RANBP2: variants seen among roughly 807,000 people sequenced by gnomAD.
RANBP2 encodes E3 SUMO-protein ligase RanBP2.
A neutral mutation model predicts 303.6 loss-of-function variants in RANBP2; 57 were observed. The observed-to-expected ratio is 0.19, with a 90% confidence interval of 0.15 to 0.23. The LOEUF (loss-of-function observed/expected upper bound fraction) is 0.23. Ranked by LOEUF, RANBP2 falls within the 10% of genes least tolerant of loss-of-function variation. The pLI, the probability that RANBP2 is intolerant of heterozygous loss-of-function variation, is 1.00. For missense variants in RANBP2, 3,138 were observed against 3,780.8 expected (o/e 0.83, Z 4.46); for synonymous variants, 1,167 against 1,301.5 (o/e 0.90, Z 2.23).
At chr2:108,960,113 A>G in the RANBP2 span, among the ~76,000 whole-genome samples, 1 of 152,146 alleles carries the variant, frequency 6.6e-6, no homozygotes, top group Admixed American at 6.5e-5. Context: ...GGCTGGGTCC[A>G]CTGATAGTAC....
the RANBP2 span, chr2:109,419,600 G>A: frequency 6.3e-7 from 1 of 1,596,010 alleles, no homozygotes; most frequent in Non-Finnish European, 8.5e-7. Context: ...TCGGTGTCTG[G>A]AGAGCAGGGC....
At chr2:109,078,096 A>ATATATATATATATGGCGTG in the RANBP2 span, among the ~76,000 whole-genome samples, 1 of 54,652 alleles carries the variant, frequency 1.8e-5, no homozygotes, top group South Asian at 4.4e-4. Flanking sequence ...ATATATATAT[A>ATATATATATATATGGCGTG]TATATATATA....
the RANBP2 span, among the ~76,000 whole-genome samples, chr2:108,811,247 CT>C: frequency 5.4e-4 from 61 of 113,902 alleles, no homozygotes; most frequent in Admixed American, 1.1e-3. Flanking sequence ...TTCTCTCTCT[CT>C]TTTTTTTTTT....
chr2:109,362,076 T>C, the RANBP2 span, among the ~76,000 whole-genome samples: 2 of 152,124 alleles, frequency 1.3e-5, no homozygotes, highest in African/African-American at 4.8e-5. Context: ...TTCATTGATT[T>C]CTTCTATTTC....
At chr2:109,547,460 A>G in the RANBP2 span, among the ~76,000 whole-genome samples, 1 of 151,816 alleles carries the variant, frequency 6.6e-6, no homozygotes, top group Non-Finnish European at 1.5e-5. Flanking sequence ...CAACTGTTAA[A>G]TGAGTTTCAA....
the RANBP2 span, among the ~76,000 whole-genome samples, chr2:108,807,506 A>G: frequency 6.6e-6 from 1 of 152,206 alleles, no homozygotes; most frequent in African/African-American, 2.4e-5. Context: ...TGTATTGGAA[A>G]TATTCAAAAT....
chr2:108,758,386 T>C (rs1236582501), intron 17 of RANBP2, 27 bp from the exon 18 acceptor site: 1 of 1,611,486 alleles, frequency 6.2e-7, no homozygotes, highest in Non-Finnish European at 8.5e-7. Context: ...ATGTTTAAAA[T>C]TATTTGATTT....
At chr2:109,340,746 C>T in the RANBP2 span, among the ~76,000 whole-genome samples, 1 of 152,142 alleles carries the variant, frequency 6.6e-6, no homozygotes, top group Non-Finnish European at 1.5e-5. Flanking sequence ...TACTAAGAAG[C>T]ACGGAAGGGC....
At chr2:109,199,014 A>G in the RANBP2 span, among the ~76,000 whole-genome samples, 123,558 of 152,100 alleles carry the variant, frequency 0.81, 50,337 homozygotes, top group East Asian at 0.89. Context: ...CTGTATTTAC[A>G]TGGTGGCCTT....
At chr2:109,444,925 A>T in the RANBP2 span, among the ~76,000 whole-genome samples, 358 of 152,352 alleles carry the variant, frequency 2.3e-3, no homozygotes, top group African/African-American at 8.0e-3. Flanking sequence ...GGAATAACAT[A>T]TACACACACA....
chr2:108,839,249 C>G, the RANBP2 span: 1 of 1,612,706 alleles, frequency 6.2e-7, no homozygotes, highest in East Asian at 2.2e-5. Flanking sequence ...CTTCACGAGC[C>G]TTTTGTAAAA....
chr2:108,748,389 T>C (rs927814219), intron 8 of RANBP2, among the ~76,000 whole-genome samples: 1 of 149,278 alleles, frequency 6.7e-6, no homozygotes, highest in Non-Finnish European at 1.5e-5. Context: ...TTTTTTTTTT[T>C]TTTTTGTATT....
chr2:109,585,181 T>C, the RANBP2 span: 1 of 1,609,930 alleles, frequency 6.2e-7, no homozygotes. Flanking sequence ...ATGGTCAATT[T>C]CAATTGAACA....
the RANBP2 span, among the ~76,000 whole-genome samples, chr2:109,377,675 C>A: frequency 2.0e-5 from 3 of 152,124 alleles, no homozygotes; most frequent in African/African-American, 7.2e-5. Context: ...GCAGGAGTTC[C>A]TGCTGATGGC....
chr2:109,496,946 C>G, the RANBP2 span, among the ~76,000 whole-genome samples: 1 of 152,104 alleles, frequency 6.6e-6, no homozygotes, highest in Non-Finnish European at 1.5e-5. Flanking sequence ...GAGCACTCCC[C>G]TTTGAAGATG....
the RANBP2 span, among the ~76,000 whole-genome samples, chr2:109,529,791 C>A: frequency 6.6e-6 from 1 of 152,148 alleles, no homozygotes; most frequent in African/African-American, 2.4e-5. Context: ...GGGGTGGGGG[C>A]TGTGGAGCCC....
At chr2:108,760,882 C>T (rs1218835172) in intron 18 of RANBP2, among the ~76,000 whole-genome samples, 1 of 152,080 alleles carries the variant, frequency 6.6e-6, no homozygotes, top group African/African-American at 2.4e-5. Flanking sequence ...TTGACCTGAA[C>T]ATTCTCATAA....
At chr2:109,368,317 A>G in the RANBP2 span, among the ~76,000 whole-genome samples, 3 of 152,178 alleles carry the variant, frequency 2.0e-5, no homozygotes, top group Admixed American at 6.5e-5. Flanking sequence ...TTGTTATCAT[A>G]CCTTGAAATA....
the RANBP2 span, among the ~76,000 whole-genome samples, chr2:109,055,537 C>A: frequency 1.3e-5 from 2 of 150,734 alleles, no homozygotes; most frequent in Non-Finnish European, 1.5e-5. Context: ...ATTTTCTTTT[C>A]TTTTCTTTTC....
Sources: allele counts gnomAD v4.1 joint callset (sites outside exome capture counted in the v4.1 genomes callset), GRCh38; gene constraint gnomAD v4.1.1; transcripts MANE v1.5; gene names NCBI Gene and HGNC (gene_info 2026-07-23, HGNC 2026-07-21).